Variants in GRID2 observed in about 807,000 individuals in gnomAD.
GRID2 encodes glutamate receptor ionotropic, delta-2.
In GRID2, 33 loss-of-function variants were observed where a neutral mutation model predicts 114.8. The observed-to-expected ratio is 0.29, with a 90% confidence interval of 0.22 to 0.38. GRID2 has a LOEUF of 0.38. Among genes scored for constraint, GRID2 ranks in the 10% least tolerant of loss-of-function variants. The pLI is 1.00. For missense variants in GRID2, 1,184 were observed against 1,257.7 expected, an observed-to-expected ratio of 0.94 and a Z score of 0.89; for synonymous variants, 505 against 449.9, an observed-to-expected ratio of 1.12 and a Z score of -1.55.
intron 13 of GRID2, among the ~76,000 whole-genome samples, chr4:93,520,898 C>T (rs75897990): frequency 0.01 from 1,568 of 152,182 alleles, 20 homozygotes; most frequent in African/African-American, 0.035. Flanking sequence ...TAAAGGTCCG[C>T]TCTAGATGCT....
At chr4:92,965,741 G>A (rs1208612855) in intron 2 of GRID2, among the ~76,000 whole-genome samples, 2 of 151,800 alleles carry the variant, frequency 1.3e-5, no homozygotes, top group African/African-American at 4.8e-5. Context: ...TCAAATGACA[G>A]AAGAGCATAT....
At chr4:93,312,310 C>G (rs2149190285) in intron 8 of GRID2, among the ~76,000 whole-genome samples, 1 of 152,204 alleles carries the variant, frequency 6.6e-6, no homozygotes, top group African/African-American at 2.4e-5. Context: ...CTGTAATACT[C>G]CAAGGCGAAG....
chr4:93,357,298 T>G (rs181734854), intron 8 of GRID2, among the ~76,000 whole-genome samples: 126 of 151,782 alleles, frequency 8.3e-4, no homozygotes, highest in Admixed American at 3.2e-3. Context: ...CCTTAGCTAA[T>G]TATTTATTTC....
chr4:93,807,524 C>T (rs1735055667), exon 2 of GRID2: 1 of 152,246 alleles, frequency 6.6e-6, no homozygotes, highest in South Asian at 2.1e-4. Flanking sequence ...CTACATTTTG[C>T]ATGGATTCCT....
rs1761600417 is a variant in GRID2, at chr4:93,358,873, A to G, written c.1246-36734A>G. The stretch of plus-strand genomic sequence containing the variant: ...TTTTCTGTTTTCTGCTATTTTTGTC[A>G]GGTTTTGAAGTCTGTTTTTATTGGC... On this transcript the variant is annotated intron_variant, in intron 8 of 15. Transcript: ENST00000282020. Among the ~76,000 whole-genome samples the G allele has an allele frequency of 2.0e-5, 3 of 152,078 alleles. No individual in the cohort carries two copies. The South Asian group carries it at 6.2e-4, about 31-fold the overall frequency.
intron 2 of GRID2, among the ~76,000 whole-genome samples, chr4:92,977,330 T>C (rs1389726430): frequency 1.3e-5 from 2 of 152,052 alleles, no homozygotes; most frequent in African/African-American, 4.8e-5. Flanking sequence ...CAAAAATTTC[T>C]GGGAGAGGTA....
At chr4:93,137,376 G>A (rs904008377) in intron 4 of GRID2, among the ~76,000 whole-genome samples, 4 of 152,124 alleles carry the variant, frequency 2.6e-5, no homozygotes, top group African/African-American at 9.7e-5. Context: ...TGAGAAATTT[G>A]CATTTTATAT....
At chr4:92,961,434 A>G (rs914284287) in intron 2 of GRID2, among the ~76,000 whole-genome samples, 6 of 150,608 alleles carry the variant, frequency 4.0e-5, no homozygotes, top group Admixed American at 1.3e-4. Flanking sequence ...CATTTTAAGG[A>G]TAATTTCACA....
chr4:92,645,762 T>G (rs961564877), intron 2 of GRID2, among the ~76,000 whole-genome samples: 1 of 151,768 alleles, frequency 6.6e-6, no homozygotes, highest in Non-Finnish European at 1.5e-5. Context: ...TCCCTCAGGC[T>G]TTTGAGACTT....
At chr4:92,893,514 C>G (rs1292317569) in intron 2 of GRID2, among the ~76,000 whole-genome samples, 1 of 152,082 alleles carries the variant, frequency 6.6e-6, no homozygotes, top group Non-Finnish European at 1.5e-5. Flanking sequence ...TGTGTTCTCA[C>G]CTGCAAGATG....
chr4:93,485,210 C>A (rs1474043329), intron 11 of GRID2, among the ~76,000 whole-genome samples: 2 of 151,610 alleles, frequency 1.3e-5, no homozygotes, highest in Non-Finnish European at 2.9e-5. Context: ...TGGTTATCTT[C>A]TTTTATGAAA....
chr4:92,496,858 T>A (rs1011881814), intron 1 of GRID2, among the ~76,000 whole-genome samples: 2 of 151,752 alleles, frequency 1.3e-5, no homozygotes, highest in African/African-American at 4.8e-5. Context: ...AGATATCTTT[T>A]TCCAGTGAAA....
intron 2 of GRID2, among the ~76,000 whole-genome samples, chr4:92,985,390 A>G (rs1440956721): frequency 4.6e-5 from 7 of 151,854 alleles, no homozygotes; most frequent in Non-Finnish European, 1.5e-5. Context: ...GCCCGCCACC[A>G]TGCCGGGCTA....
chr4:93,156,929 C>T (rs1455762750), intron 4 of GRID2, among the ~76,000 whole-genome samples: 1 of 151,670 alleles, frequency 6.6e-6, no homozygotes, highest in Admixed American at 6.6e-5. Context: ...AGGATCAGTT[C>T]TGAGCTGAGG....
At chr4:93,224,569 A>G (rs778277476) in intron 6 of GRID2, 45 bp from the exon 7 acceptor site, 7 of 1,248,778 alleles carry the variant, frequency 5.6e-6, no homozygotes, top group Non-Finnish European at 8.2e-6. Flanking sequence ...ATTCCTGATG[A>G]CTGGTGTCAA....
chr4:92,884,672 T>C (rs1746249508), intron 2 of GRID2: 1 of 178,908 alleles, frequency 5.6e-6, no homozygotes, highest in African/African-American at 2.4e-5. Flanking sequence ...CTATTGAACA[T>C]TGAAACTCTG....
chr4:92,503,875 T>C (rs571369802), intron 1 of GRID2, among the ~76,000 whole-genome samples: 1 of 152,090 alleles, frequency 6.6e-6, no homozygotes, highest in East Asian at 1.9e-4. Context: ...CTTAATGAGG[T>C]AGAGGTATAT....
intron 8 of GRID2, among the ~76,000 whole-genome samples, chr4:93,302,856 G>A (rs1426760505): frequency 1.3e-5 from 2 of 152,168 alleles, no homozygotes; most frequent in Non-Finnish European, 2.9e-5. Context: ...TAGAGCCTGG[G>A]CTTTTTTAGC....
At chr4:92,693,433 C>G (rs529087412) in intron 2 of GRID2, among the ~76,000 whole-genome samples, 6 of 152,258 alleles carry the variant, frequency 3.9e-5, no homozygotes, top group African/African-American at 1.4e-4. Context: ...TTCCAGTTTT[C>G]CACTTTGTTG....
Sources: allele counts gnomAD v4.1 joint callset (sites outside exome capture counted in the v4.1 genomes callset), GRCh38; gene constraint gnomAD v4.1.1; transcripts MANE v1.5; gene names NCBI Gene and HGNC (gene_info 2026-07-23, HGNC 2026-07-21).